Variants in ALDH1A1 observed in about 807,000 individuals in gnomAD.
ALDH1A1 encodes the protein aldehyde dehydrogenase 1 family member A1.
ALDH1A1 carries 19 observed loss-of-function variants against 62.1 expected under a neutral mutation model. The observed-to-expected ratio is 0.31, with a 90% confidence interval of 0.21 to 0.45. The LOEUF (loss-of-function observed/expected upper bound fraction) is 0.45, where lower values mean the gene tolerates loss of function less well. Among genes scored for constraint, ALDH1A1 ranks in the 20% least tolerant of loss-of-function variants. ALDH1A1 has a pLI of 1.00. For missense variants in ALDH1A1, 521 were observed against 607.1 expected, an observed-to-expected ratio of 0.86 and a Z score of 1.49; for synonymous variants, 231 against 215.9, an observed-to-expected ratio of 1.07 and a Z score of -0.61.
Position 72,940,142 on chromosome 9 carries a change from A to G in ALDH1A1, c.171+6T>C. 6.2e-7 allele frequency: 1 copy of G among 1,605,454 alleles called. No individual in the cohort carries two copies. Among genetic ancestry groups the G allele is most frequent in the African/African-American group, 1.3e-5 (1 of 74,788 alleles). On this transcript the variant is annotated splice_donor_region_variant and intron_variant, in intron 2 of 12. Transcript: ENST00000297785. Reference sequence around the variant, plus strand: ...CATAAAATGAAACTAGTGTTCAGAAACTCACCTTATCTCCTTCTTCTACCT... The same window carrying G: ...CATAAAATGAAACTAGTGTTCAGAAGCTCACCTTATCTCCTTCTTCTACCT...
At chr9:72,914,023 T>A (rs550042770) in intron 9 of ALDH1A1, among the ~76,000 whole-genome samples, 1 of 152,350 alleles carries the variant, frequency 6.6e-6, no homozygotes, top group East Asian at 1.9e-4. Context: ...CACCTGGGAC[T>A]GTCCAATAAT....
chr9:72,932,452 A>G (rs1830294417), intron 2 of ALDH1A1, among the ~76,000 whole-genome samples: 1 of 152,198 alleles, frequency 6.6e-6, no homozygotes. Flanking sequence ...TCACCAAAAT[A>G]ATATGATCTG....
intron 6 of ALDH1A1, 123 bp downstream of exon 6, chr9:72,925,360 AT>A (rs8187932): frequency 0.49 from 544,491 of 1,115,012 alleles, 137,004 homozygotes; most frequent in Non-Finnish European, 0.51. Context: ...TGCTAAATGT[AT>A]TCCCCCCACT....
intron 9 of ALDH1A1, among the ~76,000 whole-genome samples, chr9:72,914,511 A>G (rs1021395875): frequency 2.6e-5 from 4 of 152,154 alleles, no homozygotes; most frequent in African/African-American, 7.2e-5. Context: ...AATCCTATAT[A>G]ACTGTAACTC....
At chr9:72,921,240 C>CAAAA (rs1025687679) in intron 7 of ALDH1A1, among the ~76,000 whole-genome samples, 903 of 79,022 alleles carry the variant, frequency 0.011, 18 homozygotes, top group African/African-American at 0.036. Context: ...CGACTCCTCT[C>CAAAA]AAAAAAAAAA....
At chr9:72,917,628 T>C (rs1202649923) in intron 8 of ALDH1A1, among the ~76,000 whole-genome samples, 1 of 152,132 alleles carries the variant, frequency 6.6e-6, no homozygotes, top group Non-Finnish European at 1.5e-5. Context: ...TCAGAATCAC[T>C]CACTCACCTT....
intron 1 of ALDH1A1, among the ~76,000 whole-genome samples, chr9:72,951,790 G>A (rs548319856): frequency 2.0e-5 from 3 of 151,918 alleles, no homozygotes; most frequent in South Asian, 4.2e-4. Context: ...ACAAAACCTC[G>A]TGATAACAAT....
chr9:72,905,877 G>A (rs1829871956), intron 12 of ALDH1A1, 81 bp downstream of exon 12: 5 of 1,207,560 alleles, frequency 4.1e-6, no homozygotes, highest in Non-Finnish European at 1.2e-6. Flanking sequence ...TATGTAAGGT[G>A]AAAACTATGA....
chr9:72,938,558 T>C (rs1373523862), intron 2 of ALDH1A1, among the ~76,000 whole-genome samples: 6 of 152,182 alleles, frequency 3.9e-5, no homozygotes, highest in African/African-American at 1.4e-4. Flanking sequence ...GTGATTCTCC[T>C]ACCTCAGCCT....
chr9:72,906,692 G>A (rs1368122448), intron 11 of ALDH1A1, among the ~76,000 whole-genome samples: 1 of 152,174 alleles, frequency 6.6e-6, no homozygotes, highest in Non-Finnish European at 1.5e-5. Flanking sequence ...AAATTAGAAT[G>A]CAGTTTTGCA....
chr9:72,939,645 G>A (rs1215101367), intron 2 of ALDH1A1, among the ~76,000 whole-genome samples: 4 of 151,484 alleles, frequency 2.6e-5, no homozygotes, highest in African/African-American at 9.7e-5. Flanking sequence ...AGCCTCCTGA[G>A]TAGCTGGGAT....
intron 12 of ALDH1A1, among the ~76,000 whole-genome samples, chr9:72,902,672 G>A (rs147586268): frequency 6.6e-6 from 1 of 152,078 alleles, no homozygotes; most frequent in African/African-American, 2.4e-5. Flanking sequence ...TCTCAGGAGA[G>A]TAATAAGTGG....
At chr9:72,927,057 T>G in intron 5 of ALDH1A1, 59 bp downstream of exon 5, 1 of 1,225,764 alleles carries the variant, frequency 8.2e-7, no homozygotes, top group Non-Finnish European at 1.2e-6. Context: ...AGCTTCATCA[T>G]TAGATAGAAT....
chr9:72,950,951 A>T (rs1830537367), intron 1 of ALDH1A1, among the ~76,000 whole-genome samples: 2 of 151,874 alleles, frequency 1.3e-5, no homozygotes, highest in Admixed American at 1.3e-4. Context: ...CATTTGAAAA[A>T]GTTCACCCAT....
intron 12 of ALDH1A1, among the ~76,000 whole-genome samples, chr9:72,902,804 G>A (rs1829823103): frequency 6.6e-6 from 1 of 151,936 alleles, no homozygotes; most frequent in African/African-American, 2.4e-5. Context: ...ATGTCTGTGA[G>A]TTACTGTTTG....
At position 72,905,947 on chromosome 9, in the gene ALDH1A1, G is replaced by T. The variant is rs200569776; in HGVS notation, c.1433+11C>A. The T allele has an allele frequency of 3.1e-5, 49 of 1,581,302 alleles. No individual in the cohort carries two copies. Among genetic ancestry groups the T allele is most frequent in the Non-Finnish European group, 4.0e-5 (46 of 1,154,910 alleles). On this transcript the variant is annotated intron_variant, in intron 12 of 12. Coordinates refer to ENST00000297785, the MANE Select transcript of ALDH1A1 (RefSeq NM_000689.5). ...AAATAAATATTTATCTTAATAGAAC[G>T]TTAATCTTACAGTTCTCTTCCATTT...
chr9:72,952,364 G>A (rs1307715695), intron 1 of ALDH1A1, among the ~76,000 whole-genome samples: 1 of 151,838 alleles, frequency 6.6e-6, no homozygotes, highest in Non-Finnish European at 1.5e-5. Flanking sequence ...CTGCTCCAAT[G>A]GCAACAAACT....
intron 1 of ALDH1A1, among the ~76,000 whole-genome samples, chr9:72,949,037 C>T (rs556276031): frequency 4.2e-4 from 64 of 151,912 alleles, no homozygotes; most frequent in African/African-American, 1.4e-3. Context: ...ATCTCTTTAA[C>T]CCAGAAGGGT....
At chr9:72,940,334 C>T in intron 1 of ALDH1A1, 82 bp from the exon 2 acceptor site, 1 of 940,508 alleles carries the variant, frequency 1.1e-6, no homozygotes, top group Non-Finnish European at 1.7e-6. Context: ...TAAACTAAAG[C>T]ATTTCACCAT....
Sources: allele counts gnomAD v4.1 joint callset (sites outside exome capture counted in the v4.1 genomes callset), GRCh38; gene constraint gnomAD v4.1.1; transcripts MANE v1.5; gene names NCBI Gene and HGNC (gene_info 2026-07-23, HGNC 2026-07-21).